Variants in PLA2G4C observed in about 807,000 individuals in gnomAD.
PLA2G4C encodes phospholipase A2 group IVC.
PLA2G4C carries 64 observed loss-of-function variants against 73.8 expected under a neutral mutation model. The ratio of observed to expected loss-of-function variants is 0.87; its 90% CI spans 0.71 to 1.07. The LOEUF (loss-of-function observed/expected upper bound fraction) is 1.07. Among genes scored for constraint, PLA2G4C ranks in the 50% least tolerant of loss-of-function variants. The pLI is 0.00. For synonymous variants in PLA2G4C, 254 were observed against 252.1 expected (o/e 1.01, Z -0.07); for missense variants, 622 against 665.4 (o/e 0.93, Z 0.72).
intron 6 of PLA2G4C, among the ~76,000 whole-genome samples, chr19:48,096,305 G>A (rs747485264): frequency 1.3e-5 from 2 of 152,138 alleles, no homozygotes; most frequent in Non-Finnish European, 2.9e-5. Context: ...ATTCATGGCC[G>A]GGCGTGGTGG....
chr19:48,062,532 C>T (rs1968228467), intron 13 of PLA2G4C, among the ~76,000 whole-genome samples: 1 of 152,154 alleles, frequency 6.6e-6, no homozygotes, highest in South Asian at 2.1e-4. Context: ...ATCACTTGAA[C>T]CCATGAGCCG....
intron 6 of PLA2G4C, chr19:48,096,581 C>G (rs1459395066): frequency 6.5e-6 from 1 of 152,922 alleles, no homozygotes; most frequent in African/African-American, 2.4e-5. Context: ...AAAACTCTGT[C>G]TCAAACAAAC....
In PLA2G4C at chr19:48,110,537, G is replaced by GGAATCCGGTGCGGAGGCTTGGGCTCCT; in HGVS notation, c.-84_-83insAGGAGCCCAAGCCTCCGCACCGGATTC. 1 of 1,532,458 alleles carries GGAATCCGGTGCGGAGGCTTGGGCTCCT rather than the reference G, an allele frequency of 6.5e-7. No individual in the cohort carries two copies. The highest frequency in any genetic ancestry group is 2.5e-5 in the East Asian group (1 of 39,908). The allele number at this position is 1,532,458 out of a possible 1,614,324, so 94.9% of individuals were successfully genotyped here. A position where few individuals can be genotyped will look rare whatever the true frequency, so the allele number is the denominator to read the frequency against. Reference sequence around the variant, plus strand: ...GCATGCGCGGTGGAGCTTGTGCTCCGGAATCCGGTGCGGAGGCTTGGGCTC... The same window carrying GGAATCCGGTGCGGAGGCTTGGGCTCCT: ...GCATGCGCGGTGGAGCTTGTGCTCCGGAATCCGGTGCGGAGGCTTGGGCTCCTGAATCCGGTGCGGAGGCTTGGGCTC... On this transcript the variant is annotated 5_prime_UTR_variant, in exon 1 of 17. Coordinates refer to ENST00000599921, the MANE Select transcript of PLA2G4C (RefSeq NM_003706.3).
chr19:48,074,486 T>C (rs1009349787), intron 12 of PLA2G4C: 7 of 443,796 alleles, frequency 1.6e-5, no homozygotes, highest in Non-Finnish European at 2.5e-5. Flanking sequence ...TTACATTCCT[T>C]TGGGCATATA....
At chr19:48,077,521 A>C (rs1195108864) in intron 11 of PLA2G4C, among the ~76,000 whole-genome samples, 1 of 152,168 alleles carries the variant, frequency 6.6e-6, no homozygotes. Flanking sequence ...CATACTGCCA[A>C]AAGCAATCTA....
chr19:48,063,339 C>T (rs1426600257), intron 13 of PLA2G4C, among the ~76,000 whole-genome samples: 1 of 152,040 alleles, frequency 6.6e-6, no homozygotes, highest in East Asian at 1.9e-4. Flanking sequence ...ACGGGCCGGC[C>T]AACATTCTTT....
At chr19:48,093,723 G>A (rs1271960981) in intron 7 of PLA2G4C, among the ~76,000 whole-genome samples, 1 of 152,104 alleles carries the variant, frequency 6.6e-6, no homozygotes, top group African/African-American at 2.4e-5. Flanking sequence ...GGTCTGATAT[G>A]GTTAAGCTTT....
intron 12 of PLA2G4C, 156 bp from the exon 13 acceptor site, chr19:48,068,042 G>T (rs774544665): frequency 1.6e-6 from 1 of 638,442 alleles, no homozygotes; most frequent in South Asian, 1.7e-5. Flanking sequence ...GTTGGCTCAC[G>T]CCAGTCATCC....
chr19:48,101,126 A>ATATATATATATTTTT (rs1491313107), intron 4 of PLA2G4C, among the ~76,000 whole-genome samples: 1 of 74,154 alleles, frequency 1.3e-5, no homozygotes, highest in African/African-American at 6.4e-5. Context: ...ATATATATAT[A>ATATATATATATTTTT]TTTTTTTTTT....
chr19:48,076,939 A>G (rs2122559023), intron 11 of PLA2G4C, among the ~76,000 whole-genome samples: 1 of 152,254 alleles, frequency 6.6e-6, no homozygotes, highest in Non-Finnish European at 1.5e-5. Flanking sequence ...GCCTCTCCTG[A>G]ACAAATATAG....
In PLA2G4C at chr19:48,098,154, C is replaced by T. The variant is rs1250775666; in HGVS notation, c.553G>A (p.Glu185Lys). ...IDNDLQPSWQ[E>K]ARAPETWFEF... ...GTTTGCTTACCTGGTGCTCTTGCCTCCTGCCAGGAAGGTTGCAGGTCATTG... is the reference window on the plus strand; with the variant it reads ...GTTTGCTTACCTGGTGCTCTTGCCTTCTGCCAGGAAGGTTGCAGGTCATTG... Residue 185 changes from glutamate (E) to lysine (K), a missense_variant, in exon 6 of 17, where the codon GAG becomes AAG. Physicochemically the swap from Glu to Lys is moderately conservative, Grantham distance 56 (BLOSUM62 1). Transcript: ENST00000599921. The T allele has an allele frequency of 1.2e-6, 2 of 1,613,606 alleles. No individual in the cohort carries two copies. Among genetic ancestry groups the T allele is most frequent in the African/African-American group, 1.3e-5 (1 of 74,902 alleles).
rs1968688828 is a variant in PLA2G4C, at chr19:48,072,216, T to TG, written c.1006+2550dup. ...TTTTAAAAGAAAACTTTTTAAGGGA[T>TG]GGGGGTCTCACTCTGAGTGCAGTGG... On this transcript the variant is annotated intron_variant, in intron 12 of 16. Coordinates refer to ENST00000599921, the MANE Select transcript of PLA2G4C (RefSeq NM_003706.3). This position sits in a 1 kb window ranked among gnomAD's most constrained non-coding sequence, Gnocchi z 4.4. The TG allele has an allele frequency of 6.6e-6, 1 of 151,918 alleles. No individual in the cohort carries two copies. The allele number at this position is 151,918 out of a possible 1,614,324, so 9.4% of individuals were successfully genotyped here.
intron 1 of PLA2G4C, 84 bp downstream of exon 1, chr19:48,110,403 G>T: frequency 1.2e-6 from 1 of 825,194 alleles, no homozygotes; most frequent in Non-Finnish European, 1.8e-6. Flanking sequence ...AAGAAATCCT[G>T]TTATTTAATT....
chr19:48,104,577 G>C lies in PLA2G4C; in HGVS notation c.257+11C>G, dbSNP rs1284734744. The C allele has an allele frequency of 3.7e-6, 6 of 1,613,362 alleles. No homozygotes were observed. The highest frequency in any genetic ancestry group is 4.2e-6 in the Non-Finnish European group (5 of 1,179,516). ...TGTCAGAAAGCAATCTGAAACATGA[G>C]TGATGCTTACCAAGTGGATCCAGAG... On this transcript the variant is annotated intron_variant, in intron 4 of 16. Transcript: ENST00000599921.
intron 11 of PLA2G4C, 38 bp downstream of exon 11, chr19:48,077,733 A>T: frequency 1.3e-6 from 2 of 1,494,904 alleles, no homozygotes; most frequent in Non-Finnish European, 1.9e-6. Flanking sequence ...TGCAGTCCAC[A>T]CTATCATTAG....
At chr19:48,062,189 T>G in intron 13 of PLA2G4C, 37 bp from the exon 14 acceptor site, 2 of 1,509,336 alleles carry the variant, frequency 1.3e-6, no homozygotes, top group Non-Finnish European at 8.9e-7. Flanking sequence ...CAGCTGCTTC[T>G]GGGGACTGAA....
At chr19:48,096,255 A>T (rs977011794) in intron 6 of PLA2G4C, among the ~76,000 whole-genome samples, 4 of 152,058 alleles carry the variant, frequency 2.6e-5, no homozygotes, top group Non-Finnish European at 4.4e-5. Flanking sequence ...CTCTGGTGAG[A>T]AAACAGCACA....
chr19:48,082,970 C>T (rs570758), intron 10 of PLA2G4C, among the ~76,000 whole-genome samples: 12 of 151,732 alleles, frequency 7.9e-5, no homozygotes, highest in Non-Finnish European at 1.5e-4. Context: ...CCCGCCACTA[C>T]GCCCGGCTAA....
At chr19:48,104,375 C>A in intron 4 of PLA2G4C, 1 of 481,146 alleles carries the variant, frequency 2.1e-6, no homozygotes, top group Non-Finnish European at 3.7e-6. Context: ...GAAGTGGGAG[C>A]AGTTTTTTGG....
Sources: allele counts gnomAD v4.1 joint callset (sites outside exome capture counted in the v4.1 genomes callset), GRCh38; gene constraint gnomAD v4.1.1; non-coding constraint Gnocchi (gnomAD v3.1); transcripts MANE v1.5; gene names NCBI Gene and HGNC (gene_info 2026-07-23, HGNC 2026-07-21).